The following KIF17 variants were observed in gnomAD, a reference collection of about 807,000 sequenced individuals.
KIF17 encodes kinesin family member 17.
Under a neutral mutation model 96.8 loss-of-function variants are expected in KIF17, and 80 were observed. The observed-to-expected ratio is 0.83, with a 90% CI of 0.69 to 1.00. KIF17 has a LOEUF of 1.00. Among genes scored for constraint, KIF17 ranks in the 50% least tolerant of loss-of-function variants. The probability of loss-of-function intolerance (pLI) is 0.00; values close to 1 mark genes in which losing one functional copy is unlikely to be tolerated. For missense variants in KIF17, 1,280 were observed against 1,372.9 expected (o/e 0.93, Z 1.07); for synonymous variants, 567 against 587.5 (o/e 0.97, Z 0.51).
At chr1:20,697,182 C>T (rs966332563) in intron 6 of KIF17, among the ~76,000 whole-genome samples, 5 of 152,314 alleles carry the variant, frequency 3.3e-5, no homozygotes, top group African/African-American at 1.2e-4. Context: ...GCTTCTGGGG[C>T]CTGAGGACGG....
intron 11 of KIF17, among the ~76,000 whole-genome samples, chr1:20,678,708 G>A (rs35563952): frequency 0.031 from 4,753 of 152,222 alleles, 96 homozygotes; most frequent in Non-Finnish European, 0.046. Flanking sequence ...GAGGAATGAG[G>A]TGATGGAAGG....
intron 6 of KIF17, chr1:20,693,834 G>C (rs2054085705): frequency 6.6e-6 from 1 of 152,144 alleles, no homozygotes; most frequent in Admixed American, 6.6e-5. Flanking sequence ...TGTGAATGGT[G>C]TGTGAGCTCT....
intron 4 of KIF17, among the ~76,000 whole-genome samples, chr1:20,706,851 C>T (rs909120937): frequency 2.7e-5 from 4 of 149,954 alleles, no homozygotes; most frequent in Admixed American, 6.7e-5. Flanking sequence ...ATCATGCCAC[C>T]GCATTCTAGC....
Position 20,687,498 on chromosome 1 carries a change from G to A in KIF17, c.1828C>T (p.Leu610=), listed in dbSNP as rs1442949792. 8.1e-6 allele frequency: 13 copies of A among 1,613,802 alleles called. No individual in the cohort carries two copies. Among genetic ancestry groups the A allele is most frequent in the Non-Finnish European group, 1.1e-5 (13 of 1,179,836 alleles). ...TCGGCAAACGGGTCCTGCAGGCCTA[G>A]TAACCCCTGCAGGGGCACCTCCTGC... ...EPQEVPLQGL[L]GLQDPFAEVE... is the part of the protein sequence containing the mutation. The change falls in exon 8 of 15, where the codon CTA becomes TTA. Residue 610 remains leucine (L), a synonymous_variant. Transcript: ENST00000400463. This position sits in a 1 kb window ranked among gnomAD's most constrained non-coding sequence, Gnocchi z 4.4.
At position 20,664,606 on chromosome 1, in the gene KIF17, T is replaced by C. The variant is rs1031897189; in HGVS notation, c.3065A>G (p.Asn1022Ser). Residue 1022 changes from asparagine to serine, a missense_variant, in exon 15 of 15, where the codon AAC (asparagine) becomes AGC (serine). By Grantham distance (46) the Asn-to-Ser change is conservative. Coordinates refer to ENST00000400463, the MANE Select transcript of KIF17 (RefSeq NM_001122819.3). ...TKAKRKKSKS[N>S]FGSEPL ...TGCTCACAGAGGCTCACTGCCAAAG[T>C]TGCTTTTGCTTTTCTTACGCTTGGC... 6.2e-7 allele frequency: 1 copy of C among 1,613,972 alleles called. No homozygotes were observed. The highest frequency in any genetic ancestry group is 1.3e-5 in the African/African-American group (1 of 75,024).
chr1:20,702,709 T>C lies in KIF17; in HGVS notation c.1123+1738A>G, dbSNP rs146161407. On this transcript the variant is annotated intron_variant, in intron 5 of 14. Transcript: ENST00000400463. ...ACTCTCATCCTAACAGGGAAATTTC[T>C]CCTCTTCCAAGACTGCTCAATTACT... Among the ~76,000 whole-genome samples the C allele has an allele frequency of 1.7e-3, 255 of 152,326 alleles. 1 individual carries two copies. The highest frequency in any genetic ancestry group is 3.5e-3 in the Admixed American group (54 of 15,304).
intron 11 of KIF17, among the ~76,000 whole-genome samples, chr1:20,674,519 C>T (rs2053703066): frequency 6.6e-6 from 1 of 151,926 alleles, no homozygotes; most frequent in African/African-American, 2.4e-5. Flanking sequence ...CCCACTTCGG[C>T]CTCCCAAAGT....
At chr1:20,679,001 CAAAAAA>C (rs34906395) in intron 11 of KIF17, among the ~76,000 whole-genome samples, 2 of 86,644 alleles carry the variant, frequency 2.3e-5, no homozygotes, top group Non-Finnish European at 2.2e-5. Context: ...TCTTCCTTGG[CAAAAAA>C]AAAAAAAAAA....
chr1:20,710,194 G>A (rs2054412709), intron 3 of KIF17, among the ~76,000 whole-genome samples: 1 of 152,238 alleles, frequency 6.6e-6, no homozygotes, highest in Non-Finnish European at 1.5e-5. Flanking sequence ...GCCAGCCACT[G>A]TCTGTGCTGT....
chr1:20,690,425 A>G, intron 6 of KIF17, 90 bp from the exon 7 acceptor site: 1 of 1,256,404 alleles, frequency 8.0e-7, no homozygotes, highest in South Asian at 1.4e-5. Context: ...TTATTCAAAC[A>G]ATACAGAACC....
At chr1:20,707,412 G>A (rs1196033110) in intron 4 of KIF17, among the ~76,000 whole-genome samples, 1 of 152,148 alleles carries the variant, frequency 6.6e-6, no homozygotes, top group Non-Finnish European at 1.5e-5. Flanking sequence ...AAGGGAGATG[G>A]AACCAGGGGA....
At chr1:20,698,551 G>A (rs1029804160) in intron 5 of KIF17, 63 bp from the exon 6 acceptor site, 2 of 1,111,500 alleles carry the variant, frequency 1.8e-6, no homozygotes, top group Non-Finnish European at 2.7e-6. Flanking sequence ...GAACTAAGCA[G>A]AAATCTATAA....
At position 20,717,744 on chromosome 1, in the gene KIF17, C is replaced by G; in HGVS notation, c.-38G>C. 1.3e-6 allele frequency: 2 copies of G among 1,512,818 alleles called. No homozygotes were observed. Among genetic ancestry groups the G allele is most frequent in the Non-Finnish European group, 1.8e-6 (2 of 1,137,724 alleles). The allele number at this position is 1,512,818 out of a possible 1,614,324, so 93.7% of individuals were successfully genotyped here. ...AGGACCAACGGGACCAGAGCTGACC[C>G]CCGCCCCGCCGGGGACTCCCAGCAG... On this transcript the variant is annotated 5_prime_UTR_variant, in exon 1 of 15. Coordinates refer to ENST00000400463, the MANE Select transcript of KIF17 (RefSeq NM_001122819.3).
chr1:20,695,068 C>T (rs938232805), intron 6 of KIF17, among the ~76,000 whole-genome samples: 1 of 151,922 alleles, frequency 6.6e-6, no homozygotes, highest in Non-Finnish European at 1.5e-5. Context: ...ACACATGCAC[C>T]CACAGACACA....
At chr1:20,665,211 A>C (rs1291843105) in intron 14 of KIF17, among the ~76,000 whole-genome samples, 1 of 112,698 alleles carries the variant, frequency 8.9e-6, no homozygotes, top group Non-Finnish European at 1.8e-5. Context: ...ATAGAACTCA[A>C]ATTTGCTCTT....
intron 7 of KIF17, among the ~76,000 whole-genome samples, chr1:20,689,211 C>T (rs141977783): frequency 3.6e-4 from 55 of 152,222 alleles, no homozygotes; most frequent in Non-Finnish European, 5.0e-4. Context: ...TGCCAACAAG[C>T]GGTACCGACG....
chr1:20,676,112 A>C lies in KIF17; in HGVS notation c.2464-3916T>G, dbSNP rs189312436. Reference sequence around the variant, plus strand: ...CAAGATAAACTCTAACTAGATCATTAATTTACTCTTTTTTCTCTACCCCTG... The same window carrying C: ...CAAGATAAACTCTAACTAGATCATTCATTTACTCTTTTTTCTCTACCCCTG... On this transcript the variant is annotated intron_variant, in intron 11 of 14. Transcript: ENST00000400463. Among the ~76,000 whole-genome samples the C allele has an allele frequency of 2.8e-4, 43 of 152,302 alleles. No individual in the cohort carries two copies. In the East Asian group the frequency reaches 8.1e-3, roughly 29 times the overall value.
chr1:20,683,177 C>G (rs1412487930), intron 10 of KIF17, among the ~76,000 whole-genome samples: 1 of 152,238 alleles, frequency 6.6e-6, no homozygotes, highest in African/African-American at 2.4e-5. Context: ...CTGGTGCTCC[C>G]TGCAGCTGAG....
chr1:20,663,212 C>A (rs1241710194), downstream of KIF17, among the ~76,000 whole-genome samples: 1 of 152,086 alleles, frequency 6.6e-6, no homozygotes, highest in Admixed American at 6.5e-5. Context: ...GGTGACAGAG[C>A]GAGACTCAGT....
Sources: gnomAD v4.1 joint callset for allele counts (sites outside exome capture counted in the v4.1 genomes callset) on GRCh38, gnomAD v4.1.1 for gene constraint, Gnocchi (gnomAD v3.1) non-coding constraint, MANE v1.5 for transcripts, NCBI Gene and HGNC (gene_info 2026-07-23, HGNC 2026-07-21) for gene names.